The following UGT1A8 variants were observed in gnomAD, a reference collection of about 807,000 sequenced individuals.
UGT1A8 encodes UDP glucuronosyltransferase family 1 member A8.
A neutral mutation model predicts 45.3 loss-of-function variants in UGT1A8; 39 were observed. The observed-to-expected ratio is 0.86, with a 90% confidence interval of 0.67 to 1.12. The LOEUF (loss-of-function observed/expected upper bound fraction) is 1.12, where lower values mean the gene tolerates loss of function less well. Ranked by LOEUF, UGT1A8 falls within the 50% of genes most tolerant of loss-of-function variation. The probability of loss-of-function intolerance (pLI) is 0.00; values close to 1 mark genes in which losing one functional copy is unlikely to be tolerated. For synonymous variants in UGT1A8, 275 were observed against 249.2 expected, an observed-to-expected ratio of 1.10 and a Z score of -0.97; for missense variants, 719 against 664.9, an observed-to-expected ratio of 1.08 and a Z score of -0.90.
intron 1 of UGT1A8, among the ~76,000 whole-genome samples, chr2:233,669,565 G>A (rs1269125956): frequency 6.6e-6 from 1 of 152,062 alleles, no homozygotes; most frequent in Non-Finnish European, 1.5e-5. Context: ...TTTAGGTGCT[G>A]TTTTCATTCC....
At chr2:233,685,147 A>G (rs2074725363) in intron 1 of UGT1A8, among the ~76,000 whole-genome samples, 1 of 152,174 alleles carries the variant, frequency 6.6e-6, no homozygotes, top group Non-Finnish European at 1.5e-5. Context: ...ATGTAATTAA[A>G]TACTTTAACA....
intron 1 of UGT1A8, chr2:233,755,047 C>T (rs1236246701): frequency 7.5e-7 from 1 of 1,329,234 alleles, no homozygotes; most frequent in Non-Finnish European, 1.0e-6. Context: ...GCGCAGCCGC[C>T]CTCCGCCCTC....
At position 233,725,825 on chromosome 2, in the gene UGT1A8, A is replaced by G. The variant is rs185131948; in HGVS notation, c.856-41209A>G. Among the ~76,000 whole-genome samples the G allele has an allele frequency of 6.0e-4, 91 of 152,230 alleles. 1 individual carries two copies. In the South Asian group the frequency reaches 6.4e-3, roughly 11 times the overall value. ...AAAATCCATTTTATTGGATACCAGT[A>G]TTGCTACTCCTATGTTATTTTTTCA... On this transcript the variant is annotated intron_variant, in intron 1 of 4. Transcript: ENST00000373450.
chr2:233,693,445 T>C (rs1173027816), intron 1 of UGT1A8: 3 of 1,614,012 alleles, frequency 1.9e-6, no homozygotes, highest in South Asian at 2.2e-5. Flanking sequence ...TTGATGCTCT[T>C]TTCACAGACC....
intron 1 of UGT1A8, among the ~76,000 whole-genome samples, chr2:233,683,181 A>C (rs527983544): frequency 9.9e-5 from 15 of 152,270 alleles, no homozygotes; most frequent in African/African-American, 3.6e-4. Flanking sequence ...ATGTATATGC[A>C]TATATTTAGG....
intron 1 of UGT1A8, among the ~76,000 whole-genome samples, chr2:233,705,044 G>A (rs570093956): frequency 6.6e-5 from 10 of 152,198 alleles, no homozygotes; most frequent in South Asian, 4.1e-4. Flanking sequence ...GCTGAGGCAG[G>A]AGAATTGCTT....
intron 1 of UGT1A8, chr2:233,636,751 T>A (rs759958389): frequency 6.2e-7 from 1 of 1,614,190 alleles, no homozygotes; most frequent in Non-Finnish European, 8.5e-7. Flanking sequence ...AGTGAAGACT[T>A]ACTCAACCTC....
intron 1 of UGT1A8, among the ~76,000 whole-genome samples, chr2:233,744,973 G>T (rs771503200): frequency 1.3e-5 from 2 of 151,732 alleles, no homozygotes; most frequent in African/African-American, 2.4e-5. Context: ...CCTTCTTTAA[G>T]CCTCTAGTCA....
intron 1 of UGT1A8, among the ~76,000 whole-genome samples, chr2:233,681,529 T>TTA (rs2074527086): frequency 1.6e-5 from 1 of 63,104 alleles, no homozygotes; most frequent in Non-Finnish European, 2.8e-5. Context: ...AGACTCCATC[T>TTA]CAAAAAAAAA....
intron 1 of UGT1A8, among the ~76,000 whole-genome samples, chr2:233,643,296 T>C (rs2073506773): frequency 6.6e-6 from 1 of 152,156 alleles, no homozygotes; most frequent in Admixed American, 6.5e-5. Flanking sequence ...TTCCCTCTTA[T>C]TTGCAAAGAC....
intron 1 of UGT1A8, among the ~76,000 whole-genome samples, chr2:233,723,358 C>T (rs1313054035): frequency 2.4e-4 from 30 of 124,194 alleles, no homozygotes; most frequent in African/African-American, 9.2e-4. Flanking sequence ...TACAGGCACA[C>T]GTCACCACAC....
intron 1 of UGT1A8, among the ~76,000 whole-genome samples, chr2:233,680,125 C>G (rs542971913): frequency 3.3e-5 from 5 of 152,134 alleles, no homozygotes; most frequent in African/African-American, 9.6e-5. Flanking sequence ...TCTACGGTAC[C>G]TATCAAGTAA....
At chr2:233,729,759 C>A in intron 1 of UGT1A8, 1 of 1,613,980 alleles carries the variant, frequency 6.2e-7, no homozygotes, top group Non-Finnish European at 8.5e-7. Context: ...TGCAAAGGGT[C>A]AAGAACATGC....
At chr2:233,629,251 A>C (rs951059258) in intron 1 of UGT1A8, among the ~76,000 whole-genome samples, 4 of 152,146 alleles carry the variant, frequency 2.6e-5, no homozygotes, top group Non-Finnish European at 5.9e-5. Flanking sequence ...TTCACTCTGC[A>C]CAATGCCCTT....
chr2:233,637,523 G>A, intron 1 of UGT1A8: 1 of 1,426,372 alleles, frequency 7.0e-7, no homozygotes, highest in Non-Finnish European at 9.2e-7. Flanking sequence ...GCGAATTCAT[G>A]TACTCATCAA....
At chr2:233,705,496 C>T (rs190154138) in intron 1 of UGT1A8, among the ~76,000 whole-genome samples, 1 of 152,074 alleles carries the variant, frequency 6.6e-6, no homozygotes. Flanking sequence ...ATAATAAATA[C>T]CTTTTTAAGA....
At chr2:233,740,742 A>T (rs1322255847) in intron 1 of UGT1A8, 3 of 151,738 alleles carry the variant, frequency 2.0e-5, no homozygotes, top group African/African-American at 4.9e-5. Context: ...GCCCCCTTTT[A>T]CACTCTGAAA....
At chr2:233,725,066 A>G (rs1162787353) in intron 1 of UGT1A8, among the ~76,000 whole-genome samples, 1 of 146,718 alleles carries the variant, frequency 6.8e-6, no homozygotes, top group South Asian at 2.3e-4. Flanking sequence ...GCGCGCCTGC[A>G]ATCGCAGGCA....
chr2:233,659,827 A>G (rs1006083572), intron 1 of UGT1A8, among the ~76,000 whole-genome samples: 5 of 152,242 alleles, frequency 3.3e-5, no homozygotes, highest in African/African-American at 4.8e-5. Flanking sequence ...AGCAGTCTTC[A>G]ATAATCGGAA....
Sources: gnomAD v4.1 joint callset for allele counts (sites outside exome capture counted in the v4.1 genomes callset) on GRCh38, gnomAD v4.1.1 for gene constraint, MANE v1.5 for transcripts, NCBI Gene and HGNC (gene_info 2026-07-23, HGNC 2026-07-21) for gene names.